The following MORC2 variants were observed in gnomAD, a reference collection of about 807,000 sequenced individuals.
MORC2 encodes the protein ATPase MORC2.
In MORC2, 30 loss-of-function variants were observed where a neutral mutation model predicts 136.0. The ratio of observed to expected loss-of-function variants is 0.22; its 90% CI spans 0.17 to 0.30. The LOEUF (loss-of-function observed/expected upper bound fraction) is 0.30, where lower values mean the gene tolerates loss of function less well. Ranked by LOEUF, MORC2 falls within the 10% of genes least tolerant of loss-of-function variation. MORC2 has a pLI of 1.00. For missense variants in MORC2, 922 were observed against 1,333.1 expected, an observed-to-expected ratio of 0.69 and a Z score of 4.80; for synonymous variants, 439 against 487.0, an observed-to-expected ratio of 0.90 and a Z score of 1.30.
intron 24 of MORC2, among the ~76,000 whole-genome samples, chr22:30,931,391 C>G (rs1480964869): frequency 6.6e-6 from 1 of 151,998 alleles, no homozygotes; most frequent in Non-Finnish European, 1.5e-5. Flanking sequence ...GCCAACTGGC[C>G]CTCTACAGAA....
intron 1 of MORC2, among the ~76,000 whole-genome samples, chr22:30,961,982 A>G (rs961758537): frequency 6.6e-6 from 1 of 151,714 alleles, no homozygotes; most frequent in Admixed American, 6.6e-5. Flanking sequence ...GATCGCTTGA[A>G]CTCAGGAGTT....
rs373963382 is a variant in MORC2 at position 30,935,152 on chromosome 22, G to A, written c.1822C>T (p.Arg608Cys). 16 of 1,612,134 alleles carry A rather than the reference G, an allele frequency of 9.9e-6. No individual in the cohort carries two copies. The highest frequency in any genetic ancestry group is 6.7e-5 in the East Asian group (3 of 44,842). Reference sequence around the variant, plus strand: ...GGCGACCGAGGACGCTGAGGTCTACGCACAGGTTCCTAAAAAAAGGCCCAC... The same window carrying A: ...GGCGACCGAGGACGCTGAGGTCTACACACAGGTTCCTAAAAAAAGGCCCAC... ...TTRPSTEEPV[R>C]RPQRPRSPPL... Residue 608 changes from arginine to cysteine, a missense_variant, in exon 19 of 26, where the codon CGT becomes TGT. Coordinates refer to ENST00000397641, the MANE Select transcript of MORC2 (RefSeq NM_001303256.3).
At chr22:30,954,925 G>A (rs1465339164) in intron 3 of MORC2, among the ~76,000 whole-genome samples, 1 of 150,872 alleles carries the variant, frequency 6.6e-6, no homozygotes, top group East Asian at 1.9e-4. Flanking sequence ...GCTTTGGCTT[G>A]GAAAGGCACC....
At chr22:30,943,123 G>A (rs1187500085) in intron 6 of MORC2, among the ~76,000 whole-genome samples, 1 of 152,046 alleles carries the variant, frequency 6.6e-6, no homozygotes, top group Non-Finnish European at 1.5e-5. Context: ...GCATCAACAT[G>A]GATGAACAAC....
intron 1 of MORC2, among the ~76,000 whole-genome samples, chr22:30,960,550 G>A (rs1215860082): frequency 1.3e-5 from 2 of 150,840 alleles, no homozygotes; most frequent in African/African-American, 4.9e-5. Flanking sequence ...GTGCAATGGC[G>A]CAATCTCCGC....
At chr22:30,960,987 T>A (rs1231335542) in intron 1 of MORC2, among the ~76,000 whole-genome samples, 1 of 151,866 alleles carries the variant, frequency 6.6e-6, no homozygotes, top group African/African-American at 2.4e-5. Flanking sequence ...TGCCTCAGCC[T>A]CCCGAGTAGC....
At chr22:30,942,721 C>T (rs2040759240) in intron 6 of MORC2, among the ~76,000 whole-genome samples, 1 of 151,980 alleles carries the variant, frequency 6.6e-6, no homozygotes, top group South Asian at 2.1e-4. Flanking sequence ...AAAAATAACC[C>T]AGGCCTGGTG....
intron 1 of MORC2, among the ~76,000 whole-genome samples, chr22:30,959,933 C>T (rs1033655898): frequency 1.3e-5 from 2 of 152,186 alleles, no homozygotes; most frequent in Admixed American, 6.5e-5. Flanking sequence ...TTTTCTTCCT[C>T]AAGTAACTCC....
At chr22:30,946,772 C>G (rs921821350) in intron 5 of MORC2, among the ~76,000 whole-genome samples, 1 of 152,164 alleles carries the variant, frequency 6.6e-6, no homozygotes, top group Non-Finnish European at 1.5e-5. Context: ...CTCACTCCCC[C>G]CACAACGCTG....
intron 3 of MORC2, 74 bp from the exon 4 acceptor site, chr22:30,950,519 A>AGATCAAT: frequency 7.0e-6 from 10 of 1,436,662 alleles, no homozygotes; most frequent in Non-Finnish European, 9.8e-6. Context: ...ATCAGAAGGC[A>AGATCAAT]GATCAATGTG....
At chr22:30,945,961 A>T (rs532907473) in intron 6 of MORC2, among the ~76,000 whole-genome samples, 20 of 152,332 alleles carry the variant, frequency 1.3e-4, no homozygotes, top group African/African-American at 4.8e-4. Flanking sequence ...ACCAAATAGG[A>T]AACACCATGA....
Position 30,934,583 on chromosome 22 carries a change from C to T in MORC2, c.2193+198G>A, listed in dbSNP as rs760084878. Among the ~76,000 whole-genome samples the T allele has an allele frequency of 2.0e-5, 3 of 152,164 alleles. No individual in the cohort carries two copies. Among genetic ancestry groups the T allele is most frequent in the Non-Finnish European group, 2.9e-5 (2 of 68,030 alleles). On this transcript the variant is annotated intron_variant, in intron 19 of 25. Transcript: ENST00000397641. The surrounding 1 kb of genome is among the most constrained non-coding windows in gnomAD (Gnocchi z 4.4). Reference sequence around the variant, plus strand: ...AACTCGGAGGCAACAGTGAAGAGCTCGCTGTACAGGCAACCGATGTGCTGT... The same window carrying T: ...AACTCGGAGGCAACAGTGAAGAGCTTGCTGTACAGGCAACCGATGTGCTGT...
chr22:30,947,952 T>C (rs542374156), intron 5 of MORC2, among the ~76,000 whole-genome samples: 1 of 152,182 alleles, frequency 6.6e-6, no homozygotes, highest in Admixed American at 6.5e-5. Context: ...AACTTCTGAA[T>C]TGGTTTCAAG....
intron 10 of MORC2, 74 bp downstream of exon 10, chr22:30,940,684 G>C: frequency 7.4e-7 from 1 of 1,348,808 alleles, no homozygotes; most frequent in Non-Finnish European, 1.1e-6. Flanking sequence ...CCTTTTCCTG[G>C]AACCCCACTT....
chr22:30,961,519 AT>A (rs2041045196), intron 1 of MORC2, among the ~76,000 whole-genome samples: 1 of 152,240 alleles, frequency 6.6e-6, no homozygotes, highest in Non-Finnish European at 1.5e-5. Flanking sequence ...ATATAGAAAT[AT>A]AAAATGACCA....
chr22:30,929,404 C>T (rs2040539306), intron 24 of MORC2, among the ~76,000 whole-genome samples: 1 of 152,108 alleles, frequency 6.6e-6, no homozygotes, highest in Non-Finnish European at 1.5e-5. Flanking sequence ...ACGTAACTGA[C>T]AAGGACATAA....
At chr22:30,953,439 T>C (rs2240179) in intron 3 of MORC2, among the ~76,000 whole-genome samples, 61,545 of 151,974 alleles carry the variant, frequency 0.4, 13,556 homozygotes, top group East Asian at 0.67. Flanking sequence ...CCAGACATTC[T>C]TCATCTAACT....
At position 30,946,398 on chromosome 22, in the gene MORC2, G is replaced by A. The variant is rs778824630; in HGVS notation, c.369C>T (p.Asp123=). 6 of 1,611,530 alleles carry A rather than the reference G, an allele frequency of 3.7e-6. No individual in the cohort carries two copies. The South Asian group carries it at 5.5e-5, about 15-fold the overall frequency. The change falls in exon 6 of 26, where the codon GAC becomes GAT. Residue 123 remains aspartate (D), a synonymous_variant. Coordinates refer to ENST00000397641, the MANE Select transcript of MORC2 (RefSeq NM_001303256.3). The part of the protein sequence containing the change: ...KDFILFTKKE[D]TMTCLFLSRT... ...GAGACAGGAAGAGGCAGGTCATGGT[G>A]TCTTCCTTCTTGGTGAACAGGATAA...
chr22:30,930,240 T>C (rs986066536), intron 24 of MORC2, among the ~76,000 whole-genome samples: 15 of 152,208 alleles, frequency 9.9e-5, no homozygotes, highest in Non-Finnish European at 1.6e-4. Context: ...GCACCCAGGC[T>C]CTACTCTGAG....
Sources: allele counts gnomAD v4.1 joint callset (sites outside exome capture counted in the v4.1 genomes callset), GRCh38; gene constraint gnomAD v4.1.1; non-coding constraint Gnocchi (gnomAD v3.1); transcripts MANE v1.5; gene names NCBI Gene and HGNC (gene_info 2026-07-23, HGNC 2026-07-21).